Variants in ARHGAP24 observed in about 807,000 individuals in gnomAD.
The protein encoded by ARHGAP24 is rho GTPase-activating protein 24.
In ARHGAP24, 50 loss-of-function variants were observed where a neutral mutation model predicts 76.4. That is an observed-to-expected ratio of 0.65 (90% CI 0.52 to 0.83). The LOEUF (loss-of-function observed/expected upper bound fraction) is 0.83, where lower values mean the gene tolerates loss of function less well. ARHGAP24 is among the 40% of genes least tolerant of loss of function. ARHGAP24 has a pLI of 0.00. For missense variants in ARHGAP24, 930 were observed against 914.2 expected (o/e 1.02, Z -0.22); for synonymous variants, 345 against 323.3 (o/e 1.07, Z -0.72).
chr4:85,812,279 A>G (rs998767885), intron 3 of ARHGAP24, among the ~76,000 whole-genome samples: 2 of 152,168 alleles, frequency 1.3e-5, no homozygotes, highest in African/African-American at 4.8e-5. Flanking sequence ...AATTATTTTC[A>G]TATCTGTTTC....
rs112193188 is a variant in ARHGAP24, at chr4:85,531,735, C to T, written c.-20-38787C>T. On this transcript the variant is annotated intron_variant, in intron 1 of 9. Transcript: ENST00000395184. The stretch of plus-strand genomic sequence containing the variant: ...AATCCTATTAAATGATTTTCACTTC[C>T]TCCTTTTAATAAATGAAGAAACAAA... 9.7e-3 allele frequency among the ~76,000 whole-genome samples: 1,469 copies of T among 152,008 alleles called. 13 individuals are homozygous for T. Among genetic ancestry groups the T allele is most frequent in the East Asian group, 0.019 (96 of 5,174 alleles).
At chr4:85,599,777 AAATT>A (rs1181942050) in intron 2 of ARHGAP24, among the ~76,000 whole-genome samples, 1 of 152,206 alleles carries the variant, frequency 6.6e-6, no homozygotes, top group Non-Finnish European at 1.5e-5. Flanking sequence ...TCTCCTTAAT[AAATT>A]CTATAATTGC....
intron 3 of ARHGAP24, among the ~76,000 whole-genome samples, chr4:85,875,683 A>T (rs1306659163): frequency 7.6e-6 from 1 of 132,284 alleles, no homozygotes; most frequent in South Asian, 2.2e-4. Context: ...TTATATATAA[A>T]TATTAAAAAT....
intron 3 of ARHGAP24, among the ~76,000 whole-genome samples, chr4:85,838,121 CACA>C (rs1235407762): frequency 6.6e-6 from 1 of 152,134 alleles, no homozygotes; most frequent in Non-Finnish European, 1.5e-5. Context: ...TTTTAATTCT[CACA>C]ACAATGCTAT....
At chr4:85,774,669 C>T (rs573739125) in intron 3 of ARHGAP24, among the ~76,000 whole-genome samples, 2 of 152,106 alleles carry the variant, frequency 1.3e-5, no homozygotes, top group Non-Finnish European at 2.9e-5. Flanking sequence ...TAATACAATT[C>T]GAAAGGTTAC....
At chr4:85,654,623 A>G (rs905799764) in intron 2 of ARHGAP24, among the ~76,000 whole-genome samples, 7 of 152,192 alleles carry the variant, frequency 4.6e-5, no homozygotes, top group African/African-American at 1.4e-4. Context: ...ACATGGATGC[A>G]TGAATAAAAA....
chr4:85,832,165 C>T (rs1333103749), intron 3 of ARHGAP24, among the ~76,000 whole-genome samples: 3 of 152,092 alleles, frequency 2.0e-5, no homozygotes, highest in Non-Finnish European at 4.4e-5. Flanking sequence ...TTTGTGTTTT[C>T]CGTGGGCGGG....
At chr4:85,916,663 G>A (rs1320092496) in intron 3 of ARHGAP24, among the ~76,000 whole-genome samples, 1 of 152,108 alleles carries the variant, frequency 6.6e-6, no homozygotes, top group East Asian at 1.9e-4. Context: ...CTGATTTGCA[G>A]TTGGGAATGA....
At chr4:85,789,376 CT>C (rs1330152054) in intron 3 of ARHGAP24, among the ~76,000 whole-genome samples, 4 of 150,650 alleles carry the variant, frequency 2.7e-5, no homozygotes, top group East Asian at 3.9e-4. Context: ...TTTTCTTTTT[CT>C]TTTTTTTTAA....
chr4:85,653,535 G>A (rs908783292), intron 2 of ARHGAP24, among the ~76,000 whole-genome samples: 1 of 152,124 alleles, frequency 6.6e-6, no homozygotes, highest in Non-Finnish European at 1.5e-5. Context: ...GTGCAGTGTA[G>A]CGATCTCAGC....
chr4:85,598,005 C>T (rs186847710), intron 2 of ARHGAP24, among the ~76,000 whole-genome samples: 1 of 152,166 alleles, frequency 6.6e-6, no homozygotes, highest in African/African-American at 2.4e-5. Flanking sequence ...ATGCACCTTT[C>T]ATCCTTCACT....
At chr4:85,641,955 C>T (rs1012004962) in intron 2 of ARHGAP24, among the ~76,000 whole-genome samples, 7 of 152,074 alleles carry the variant, frequency 4.6e-5, no homozygotes, top group African/African-American at 1.4e-4. Context: ...ACAAGAAGGG[C>T]GTGATCTAAT....
intron 3 of ARHGAP24, among the ~76,000 whole-genome samples, chr4:85,763,394 T>C (rs1015703006): frequency 1.3e-5 from 2 of 152,144 alleles, no homozygotes; most frequent in African/African-American, 4.8e-5. Context: ...TAGTTTGGCA[T>C]CTTGCAGGGA....
chr4:85,596,914 T>G (rs1564560), intron 2 of ARHGAP24, among the ~76,000 whole-genome samples: 139,690 of 152,044 alleles, frequency 0.92, 64,217 homozygotes, highest in East Asian at 0.98. Flanking sequence ...ATCATAATAT[T>G]TTAAGTCCAA....
intron 1 of ARHGAP24, among the ~76,000 whole-genome samples, chr4:85,516,662 G>T (rs1724517272): frequency 7.0e-6 from 1 of 143,472 alleles, no homozygotes; most frequent in South Asian, 2.3e-4. Flanking sequence ...AATTTTTGAA[G>T]AGCTTTTATC....
At chr4:85,572,320 T>C (rs890364214) in intron 2 of ARHGAP24, among the ~76,000 whole-genome samples, 1 of 152,164 alleles carries the variant, frequency 6.6e-6, no homozygotes, top group Non-Finnish European at 1.5e-5. Flanking sequence ...ACACAGTGAA[T>C]ACTATCTGTG....
At chr4:85,585,040 C>T (rs989630426) in intron 2 of ARHGAP24, among the ~76,000 whole-genome samples, 61 of 152,162 alleles carry the variant, frequency 4.0e-4, no homozygotes, top group Non-Finnish European at 1.6e-4. Context: ...CTACTTATAT[C>T]TAATCCTCAT....
intron 3 of ARHGAP24, among the ~76,000 whole-genome samples, chr4:85,736,178 C>T (rs572898261): frequency 1.8e-4 from 27 of 152,314 alleles, no homozygotes; most frequent in African/African-American, 6.5e-4. Flanking sequence ...AATCCTCCCT[C>T]ACAGGATGTC....
chr4:85,695,686 G>A (rs1047318071), intron 2 of ARHGAP24, among the ~76,000 whole-genome samples: 1 of 152,134 alleles, frequency 6.6e-6, no homozygotes, highest in South Asian at 2.1e-4. Context: ...ATAATAGCAG[G>A]AAGTCAAATA....
Sources: gnomAD v4.1 joint callset for allele counts (sites outside exome capture counted in the v4.1 genomes callset) on GRCh38, gnomAD v4.1.1 for gene constraint, MANE v1.5 for transcripts, NCBI Gene and HGNC (gene_info 2026-07-23, HGNC 2026-07-21) for gene names.